The following INTS14 variants were observed in gnomAD, a reference collection of about 807,000 sequenced individuals.
INTS14 encodes the protein UPF0464 protein C15orf44.
Under a neutral mutation model 56.9 loss-of-function variants are expected in INTS14, and 27 were observed. That is an observed-to-expected ratio of 0.47 (90% CI 0.35 to 0.65). INTS14 has a LOEUF of 0.65. INTS14 is among the 30% of genes least tolerant of loss of function. The pLI is 0.00. For missense variants in INTS14, 517 were observed against 632.2 expected, an observed-to-expected ratio of 0.82 and a Z score of 1.95; for synonymous variants, 207 against 236.2, an observed-to-expected ratio of 0.88 and a Z score of 1.13.
chr15:65,596,867 T>A (rs1427952438), intron 6 of INTS14, among the ~76,000 whole-genome samples: 1 of 152,210 alleles, frequency 6.6e-6, no homozygotes, highest in Non-Finnish European at 1.5e-5. Flanking sequence ...CCCGACCCTA[T>A]TTCTAAAATA....
At chr15:65,588,161 C>T (rs1189674659) in intron 9 of INTS14, among the ~76,000 whole-genome samples, 2 of 151,736 alleles carry the variant, frequency 1.3e-5, no homozygotes, top group Admixed American at 1.3e-4. Flanking sequence ...TGGTGGTGGA[C>T]ACCTGCAGTT....
At chr15:65,581,547 C>CAAAAAAA (rs57782914) in intron 11 of INTS14, among the ~76,000 whole-genome samples, 29 of 47,772 alleles carry the variant, frequency 6.1e-4, no homozygotes, top group African/African-American at 2.3e-3. Context: ...GACTCCATCT[C>CAAAAAAA]AAAAAAAAAA....
chr15:65,602,312 GTC>G (rs2073466637), intron 3 of INTS14, among the ~76,000 whole-genome samples: 1 of 145,332 alleles, frequency 6.9e-6, no homozygotes, highest in Admixed American at 6.8e-5. Flanking sequence ...TTAAGACAGA[GTC>G]TCGCTCTGTT....
intron 10 of INTS14, among the ~76,000 whole-genome samples, chr15:65,584,562 T>G (rs561758951): frequency 2.6e-5 from 4 of 152,332 alleles, no homozygotes; most frequent in African/African-American, 9.6e-5. Context: ...CCTCTAGGAT[T>G]CTTATTGCTC....
At chr15:65,610,677 G>T (rs1237512357) in intron 1 of INTS14, 1 of 1,535,622 alleles carries the variant, frequency 6.5e-7, no homozygotes, top group South Asian at 1.2e-5. Context: ...TGAATTTCTA[G>T]TGCCTCACCT....
rs1435977342 is a variant in INTS14 at position 65,605,201 on chromosome 15, G to A, written c.258C>T (p.Thr86=). 1.2e-6 allele frequency: 2 copies of A among 1,613,902 alleles called. No homozygotes were observed. Among genetic ancestry groups the A allele is most frequent in the African/African-American group, 1.3e-5 (1 of 74,916 alleles). ...ALSNMDDYDK[T]CLESALVGVC... is the part of the protein sequence containing the mutation. ...CACCAACTAATGCAGACTCCAAGCA[G>A]GTTTTGTCATAATCATCCATATTAC... The change falls in exon 3 of 12, where the codon ACC becomes ACT. Residue 86 remains threonine, a synonymous_variant. Coordinates refer to ENST00000313182, the MANE Select transcript of INTS14 (RefSeq NM_001394796.1).
intron 10 of INTS14, 60 bp from the exon 11 acceptor site, chr15:65,582,079 T>C (rs962489053): frequency 1.4e-6 from 2 of 1,381,648 alleles, no homozygotes; most frequent in Non-Finnish European, 2.0e-6. Context: ...AGGGAAATAA[T>C]ATAAAAGAAT....
chr15:65,584,921 T>C lies in INTS14; in HGVS notation c.1121-33A>G, dbSNP rs181916225. ...GAAAAGACATTCTTGAAATGACATC[T>C]GGTAAAACACAATCAGTTACATTTC... On this transcript the variant is annotated intron_variant, in intron 9 of 11. Coordinates refer to ENST00000313182, the MANE Select transcript of INTS14 (RefSeq NM_001394796.1). The C allele has an allele frequency of 5.1e-6, 8 of 1,560,272 alleles. No individual in the cohort carries two copies. The Admixed American group carries it at 1.2e-4, about 24-fold the overall frequency.
In INTS14 at chr15:65,579,452, G is replaced by C. The variant is rs750605772; in HGVS notation, c.1513C>G (p.Pro505Ala). ...EYAAYDQNIT[P>A]LHTDFSGSST... The stretch of plus-strand genomic sequence containing the variant: ...CTCCCAGAGAAGTCCGTGTGCAAAG[G>C]TGTGATGTTCTGGTCATAAGCGGCA... The change falls in exon 12 of 12, where the codon CCT becomes GCT. Residue 505 changes from proline (P) to alanine (A), a missense_variant. Transcript: ENST00000313182. The C allele has an allele frequency of 3.1e-6, 5 of 1,614,054 alleles. No individual in the cohort carries two copies. Among genetic ancestry groups the C allele is most frequent in the African/African-American group, 1.3e-5 (1 of 74,946 alleles).
chr15:65,587,580 G>A (rs1241348618), intron 9 of INTS14, among the ~76,000 whole-genome samples: 4 of 152,206 alleles, frequency 2.6e-5, no homozygotes, highest in Non-Finnish European at 5.9e-5. Flanking sequence ...ACTATATTGG[G>A]AGGATAGTAG....
At chr15:65,591,412 C>T (rs1480376574) in intron 9 of INTS14, among the ~76,000 whole-genome samples, 186 bp downstream of exon 9, 4 of 152,112 alleles carry the variant, frequency 2.6e-5, no homozygotes, top group Admixed American at 6.6e-5. Context: ...TTCTCCTGAG[C>T]TGTAAAATTT....
chr15:65,602,774 T>G (rs537179118), intron 3 of INTS14, among the ~76,000 whole-genome samples: 1 of 152,194 alleles, frequency 6.6e-6, no homozygotes, highest in South Asian at 2.1e-4. Context: ...TTCAAGCGAT[T>G]CTCCTGCCGC....
chr15:65,596,233 AAG>A (rs1310218276), intron 6 of INTS14, among the ~76,000 whole-genome samples: 1 of 152,224 alleles, frequency 6.6e-6, no homozygotes, highest in Non-Finnish European at 1.5e-5. Context: ...CTCTCTGAGA[AAG>A]AACTGTATTC....
intron 11 of INTS14, among the ~76,000 whole-genome samples, chr15:65,581,668 T>C (rs1196479961): frequency 6.7e-6 from 1 of 150,328 alleles, no homozygotes; most frequent in Non-Finnish European, 1.5e-5. Context: ...ATGAGGAGAG[T>C]TCAGGGCTAT....
Position 65,607,366 on chromosome 15 carries a change from C to T in INTS14, c.15G>A (p.Val5=). The T allele has an allele frequency of 6.2e-7, 1 of 1,614,198 alleles. No homozygotes were observed. Among genetic ancestry groups the T allele is most frequent in the Non-Finnish European group, 8.5e-7 (1 of 1,180,036 alleles). ...TCATGGAAAGGGATACATCCATTACCACCACTGTCGGCATGATGAAAATGA... is the reference window on the plus strand; with the variant it reads ...TCATGGAAAGGGATACATCCATTACTACCACTGTCGGCATGATGAAAATGA... The part of the protein sequence containing the change: MPTV[V]VMDVSLSMTR... The change falls in exon 2 of 12, where the codon GTG becomes GTA. Residue 5 remains valine, a synonymous_variant. Transcript: ENST00000313182.
At chr15:65,584,914 T>C (rs758703970) in intron 9 of INTS14, 26 bp from the exon 10 acceptor site, 1 of 1,583,408 alleles carries the variant, frequency 6.3e-7, no homozygotes, top group Non-Finnish European at 8.6e-7. Flanking sequence ...ATTCTTGAAA[T>C]GACATCTGGT....
chr15:65,581,734 C>T (rs912091742), intron 11 of INTS14, among the ~76,000 whole-genome samples: 1 of 152,056 alleles, frequency 6.6e-6, no homozygotes, highest in East Asian at 1.9e-4. Flanking sequence ...GCAGCCCCAA[C>T]ACAGAAAAAC....
intron 1 of INTS14, among the ~76,000 whole-genome samples, chr15:65,609,757 G>A (rs1232673448): frequency 6.6e-6 from 1 of 152,144 alleles, no homozygotes; most frequent in Non-Finnish European, 1.5e-5. Context: ...TTTACAAGTT[G>A]AGGATCATGA....
rs866838751 is a variant in INTS14 at position 65,579,554 on chromosome 15, C to T, written c.1411G>A (p.Ala471Thr). Residue 471 changes from alanine (A) to threonine (T), a missense_variant, in exon 12 of 12, where the codon GCC becomes ACC. By Grantham distance (58) the Ala-to-Thr change is moderately conservative. Coordinates refer to ENST00000313182, the MANE Select transcript of INTS14 (RefSeq NM_001394796.1). ...ERECTLLPETAHPDAAFQLTH... is the reference protein window; with the variant it reads ...ERECTLLPETTHPDAAFQLTH... ...AGCTGGAATGCAGCATCAGGGTGGG[C>T]TGTCTCAGGCAGCAGTGTGCATTCC... The T allele has an allele frequency of 6.2e-7, 1 of 1,614,226 alleles. No homozygotes were observed. Among genetic ancestry groups the T allele is most frequent in the Non-Finnish European group, 8.5e-7 (1 of 1,180,040 alleles).
Sources: allele counts gnomAD v4.1 joint callset (sites outside exome capture counted in the v4.1 genomes callset), GRCh38; gene constraint gnomAD v4.1.1; transcripts MANE v1.5; gene names NCBI Gene and HGNC (gene_info 2026-07-23, HGNC 2026-07-21).